The following GM2A variants were observed in gnomAD, a reference collection of about 807,000 sequenced individuals.
GM2A encodes the protein GM2 ganglioside activator.
GM2A carries 7 observed loss-of-function variants against 12.9 expected under a neutral mutation model. The ratio of observed to expected loss-of-function variants is 0.54; its 90% CI spans 0.31 to 1.02. The LOEUF (loss-of-function observed/expected upper bound fraction) is 1.02, where lower values mean the gene tolerates loss of function less well. Ranked by LOEUF, GM2A falls within the 50% of genes least tolerant of loss-of-function variation. GM2A has a pLI of 0.05. For synonymous variants in GM2A, 101 were observed against 96.0 expected (o/e 1.05, Z -0.30); for missense variants, 246 against 241.0 (o/e 1.02, Z -0.14).
intron 1 of GM2A, 121 bp from the exon 2 acceptor site, chr5:151,259,634 A>C: frequency 1.2e-6 from 1 of 806,766 alleles, no homozygotes; most frequent in Non-Finnish European, 2.1e-6. Flanking sequence ...GATGAGGCTC[A>C]GGGACGGGGG....
At position 151,266,740 on chromosome 5, in the gene GM2A, G is replaced by A. The variant is rs893186947; in HGVS notation, c.253G>A (p.Val85Ile). Residue 85 changes from valine to isoleucine, a missense_variant, in exon 3 of 4, where the codon GTT (valine) becomes ATT (isoleucine). Physicochemically the swap from Val to Ile is conservative, Grantham distance 29. Coordinates refer to ENST00000357164, the MANE Select transcript of GM2A (RefSeq NM_000405.5). ...PLSSPLKVDL[V>I]LEKEVAGLWI... ...TATTTTTTTTTACCAGGTGGATTTA[G>A]TTTTGGAGAAGGAGGTGGCTGGCCT... 6.2e-7 allele frequency: 1 copy of A among 1,613,482 alleles called. No homozygotes were observed. The highest frequency in any genetic ancestry group is 1.3e-5 in the African/African-American group (1 of 74,890).
At chr5:151,256,473 C>T (rs1485933202) in intron 1 of GM2A, among the ~76,000 whole-genome samples, 8 of 151,856 alleles carry the variant, frequency 5.3e-5, no homozygotes, top group Admixed American at 3.3e-4. Flanking sequence ...GGCATGGTGG[C>T]GTACACCTGT....
intron 2 of GM2A, among the ~76,000 whole-genome samples, chr5:151,261,997 T>A (rs548824942): frequency 6.6e-6 from 1 of 152,358 alleles, no homozygotes; most frequent in East Asian, 1.9e-4. Flanking sequence ...TTAGGTCTTT[T>A]GATACATTTT....
chr5:151,259,030 G>T (rs915954064), intron 1 of GM2A, among the ~76,000 whole-genome samples: 2 of 152,168 alleles, frequency 1.3e-5, no homozygotes, highest in African/African-American at 2.4e-5. Context: ...GGAATCAGGA[G>T]ACCTGGGGGA....
At chr5:151,260,305 A>G (rs1345750249) in intron 2 of GM2A, among the ~76,000 whole-genome samples, 1 of 152,212 alleles carries the variant, frequency 6.6e-6, no homozygotes, top group Non-Finnish European at 1.5e-5. Context: ...TCACTTTAGA[A>G]AACACAAGTG....
At chr5:151,255,810 C>T (rs188877679) in intron 1 of GM2A, among the ~76,000 whole-genome samples, 23 of 152,298 alleles carry the variant, frequency 1.5e-4, no homozygotes, top group Admixed American at 1.0e-3. Flanking sequence ...CTTCTCTTGG[C>T]TCCAGGGCTG....
Position 151,269,422 on chromosome 5 carries a change from G to T in GM2A, c.*1971G>T. ...GCTTGCTTGTTGTCTCTGCTTCATC[G>T]CCATCCAGCTCCCTTGTTTGCTATT... On this transcript the variant is annotated 3_prime_UTR_variant, in exon 4 of 4. Coordinates refer to ENST00000357164, the MANE Select transcript of GM2A (RefSeq NM_000405.5). 2.0e-6 allele frequency: 2 copies of T among 985,260 alleles called. No homozygotes were observed. Among genetic ancestry groups the T allele is most frequent in the Non-Finnish European group, 2.4e-6 (2 of 829,920 alleles). The allele number at this position is 985,260 out of a possible 1,614,324, so 61.0% of individuals were successfully genotyped here.
chr5:151,263,153 C>T (rs985893834), intron 2 of GM2A, among the ~76,000 whole-genome samples: 16 of 143,088 alleles, frequency 1.1e-4, no homozygotes, highest in South Asian at 2.2e-4. Context: ...AGTGTAGTCG[C>T]GCGATCATGG....
chr5:151,259,921 G>T lies in GM2A; in HGVS notation c.243+5G>T. ...CCCCTGAGTTCTCCTCTGAAGGTGA[G>T]CCTGGGGGTGGGTGGAGAAGGGGAG... On this transcript the variant is annotated splice_donor_5th_base_variant and intron_variant, in intron 2 of 3. Coordinates refer to ENST00000357164, the MANE Select transcript of GM2A (RefSeq NM_000405.5). 2 of 1,611,448 alleles carry T rather than the reference G, an allele frequency of 1.2e-6. No homozygotes were observed. Among genetic ancestry groups the T allele is most frequent in the Non-Finnish European group, 1.7e-6 (2 of 1,177,738 alleles).
intron 1 of GM2A, among the ~76,000 whole-genome samples, chr5:151,257,754 G>A (rs1427458789): frequency 1.3e-5 from 2 of 152,226 alleles, no homozygotes; most frequent in African/African-American, 4.8e-5. Context: ...GCCTGGAGCA[G>A]CCAAGCTTCT....
intron 2 of GM2A, among the ~76,000 whole-genome samples, chr5:151,265,195 A>C (rs1753862757): frequency 6.6e-6 from 1 of 152,070 alleles, no homozygotes; most frequent in African/African-American, 2.4e-5. Context: ...ATGTCTTAGG[A>C]GCAGATGAGG....
rs755584488 is a variant in GM2A at position 151,253,195 on chromosome 5, C to T, written c.-22C>T. On this transcript the variant is annotated 5_prime_UTR_variant, in exon 1 of 4. Transcript: ENST00000357164. ...GCCGCCACAGACCTTGCAGTTAACT[C>T]CGCCCTGACCCACCCTTCCCGATGC... is the stretch of plus-strand genomic sequence containing the variant. The T allele has an allele frequency of 1.3e-6, 2 of 1,599,336 alleles. No individual in the cohort carries two copies. The highest frequency in any genetic ancestry group is 1.7e-6 in the Non-Finnish European group (2 of 1,166,464).
At chr5:151,255,805 C>T (rs1253317802) in intron 1 of GM2A, among the ~76,000 whole-genome samples, 5 of 152,208 alleles carry the variant, frequency 3.3e-5, no homozygotes, top group African/African-American at 7.2e-5. Flanking sequence ...GAATGCTTCT[C>T]TTGGCTCCAG....
chr5:151,268,575 A>G lies in GM2A; in HGVS notation c.*1124A>G, dbSNP rs1307490532. The G allele has an allele frequency of 1.0e-6, 1 of 982,534 alleles. No individual in the cohort carries two copies. The highest frequency in any genetic ancestry group is 6.1e-5 in the Admixed American group (1 of 16,266). The allele number at this position is 982,534 out of a possible 1,614,324, so 60.9% of individuals were successfully genotyped here. A position where few individuals can be genotyped will look rare whatever the true frequency, so the allele number is the denominator to read the frequency against. ...TGGTCTCCAGTTGGAAATATAATTA[A>G]GGGTGGCAAGGACTGGAGTCAGTTG... On this transcript the variant is annotated 3_prime_UTR_variant, in exon 4 of 4. Coordinates refer to ENST00000357164, the MANE Select transcript of GM2A (RefSeq NM_000405.5).
In GM2A at chr5:151,268,504, A is replaced by C; in HGVS notation, c.*1053A>C. On this transcript the variant is annotated 3_prime_UTR_variant, in exon 4 of 4. Coordinates refer to ENST00000357164, the MANE Select transcript of GM2A (RefSeq NM_000405.5). ...ATTACAATGTAAATATTTCTTACACAGAAAGTCACAGCACATGTGCCCATT... is the reference window on the plus strand; with the variant it reads ...ATTACAATGTAAATATTTCTTACACCGAAAGTCACAGCACATGTGCCCATT... 1.0e-6 allele frequency: 1 copy of C among 985,334 alleles called. No homozygotes were observed. The highest frequency in any genetic ancestry group is 1.2e-6 in the Non-Finnish European group (1 of 829,834). The allele number at this position is 985,334 out of a possible 1,614,324, so 61.0% of individuals were successfully genotyped here.
chr5:151,261,892 GTTTGTTT>G (rs1345857637), intron 2 of GM2A, among the ~76,000 whole-genome samples: 2 of 152,208 alleles, frequency 1.3e-5, no homozygotes, highest in East Asian at 3.9e-4. Flanking sequence ...TTTTTTGTTT[GTTTGTTT>G]TTTGTTTTGC....
In GM2A at chr5:151,269,556, AC is replaced by A; in HGVS notation, c.*2107del. 1 of 592,528 alleles carries A rather than the reference AC, an allele frequency of 1.7e-6. No individual in the cohort carries two copies. The highest frequency in any genetic ancestry group is 2.1e-6 in the Non-Finnish European group (1 of 470,852). The allele number at this position is 592,528 out of a possible 1,614,324, so 36.7% of individuals were successfully genotyped here. A position where few individuals can be genotyped will look rare whatever the true frequency, so the allele number is the denominator to read the frequency against. ...CTGAGGAATTTAAAAGGGAGCAAAG[AC>A]CACCTGGTGACTATCAGGCCATGCA... On this transcript the variant is annotated 3_prime_UTR_variant, in exon 4 of 4. Coordinates refer to ENST00000357164, the MANE Select transcript of GM2A (RefSeq NM_000405.5).
At chr5:151,261,532 G>A (rs187644086) in intron 2 of GM2A, among the ~76,000 whole-genome samples, 12 of 152,264 alleles carry the variant, frequency 7.9e-5, no homozygotes, top group Admixed American at 5.2e-4. Flanking sequence ...TCCACTTCCC[G>A]GGTTCAAGCG....
In GM2A at chr5:151,269,421, C is replaced by T. The variant is rs1753964752; in HGVS notation, c.*1970C>T. ...AGCTTGCTTGTTGTCTCTGCTTCAT[C>T]GCCATCCAGCTCCCTTGTTTGCTAT... On this transcript the variant is annotated 3_prime_UTR_variant, in exon 4 of 4. Coordinates refer to ENST00000357164, the MANE Select transcript of GM2A (RefSeq NM_000405.5). 27 of 985,260 alleles carry T rather than the reference C, an allele frequency of 2.7e-5. No homozygotes were observed. Among genetic ancestry groups the T allele is most frequent in the Non-Finnish European group, 2.9e-5 (24 of 829,950 alleles). The allele number at this position is 985,260 out of a possible 1,614,324, so 61.0% of individuals were successfully genotyped here.
Sources: allele counts gnomAD v4.1 joint callset (sites outside exome capture counted in the v4.1 genomes callset), GRCh38; gene constraint gnomAD v4.1.1; transcripts MANE v1.5; gene names NCBI Gene and HGNC (gene_info 2026-07-23, HGNC 2026-07-21).